Variants in GPR39 observed in about 807,000 individuals in gnomAD.
GPR39 encodes the protein zinc sensing receptor.
Under a neutral mutation model 18.4 loss-of-function variants are expected in GPR39, and 23 were observed. The observed-to-expected ratio is 1.25, with a 90% CI of 0.90 to 1.77. The LOEUF (loss-of-function observed/expected upper bound fraction) is 1.77. Among genes scored for constraint, GPR39 ranks in the 40% most tolerant of loss-of-function variants. GPR39 has a pLI of 0.00. For synonymous variants in GPR39, 280 were observed against 257.9 expected (o/e 1.09, Z -0.82); for missense variants, 647 against 602.4 (o/e 1.07, Z -0.78).
intron 1 of GPR39, among the ~76,000 whole-genome samples, chr2:132,424,164 C>T (rs564441467): frequency 7.2e-5 from 11 of 152,090 alleles, no homozygotes; most frequent in African/African-American, 1.7e-4. Flanking sequence ...CAGAAGTAAC[C>T]GTGAGATGAA....
At chr2:132,471,669 T>TC (rs371886015) in intron 1 of GPR39, among the ~76,000 whole-genome samples, 2,856 of 150,132 alleles carry the variant, frequency 0.019, 102 homozygotes, top group African/African-American at 0.068. Flanking sequence ...TTTTTTTTTT[T>TC]CTTCCCCATA....
At chr2:132,591,903 A>G (rs1178137431) in intron 1 of GPR39, among the ~76,000 whole-genome samples, 5 of 152,214 alleles carry the variant, frequency 3.3e-5, no homozygotes, top group African/African-American at 1.2e-4. Flanking sequence ...GCTGTGTTGT[A>G]TGGTACATAT....
At position 132,572,547 on chromosome 2, in the gene GPR39, A is replaced by AC. The variant is rs1386998003; in HGVS notation, c.857-72554_857-72553insC. 2.0e-5 allele frequency among the ~76,000 whole-genome samples: 3 copies of AC among 151,914 alleles called. No homozygotes were observed. In the East Asian group the frequency reaches 5.8e-4, roughly 29 times the overall value. ...AGGGTTAGAAGAGATTAAAAAAAAA[A>AC]AAAAAACCTCATTCTAAACTAGATC... On this transcript the variant is annotated intron_variant, in intron 1 of 1. Coordinates refer to ENST00000329321, the MANE Select transcript of GPR39 (RefSeq NM_001508.3).
rs577255066 is a variant in GPR39 at position 132,619,854 on chromosome 2, C to T, written c.857-25247C>T. Among the ~76,000 whole-genome samples the T allele has an allele frequency of 2.3e-3, 221 of 98,010 alleles. 2 individuals carry two copies. Among genetic ancestry groups the T allele is most frequent in the African/African-American group, 0.011 (201 of 19,114 alleles). 64.3% of individuals were successfully genotyped at this position (98,010 alleles called of 152,430 possible). A position where few individuals can be genotyped will look rare whatever the true frequency, so the allele number is the denominator to read the frequency against. On this transcript the variant is annotated intron_variant, in intron 1 of 1. Transcript: ENST00000329321. Reference sequence around the variant, plus strand: ...AGACACACACACACACACACACACACACAGACACACACACACTCTCCACAC... The same window carrying T: ...AGACACACACACACACACACACACATACAGACACACACACACTCTCCACAC...
At chr2:132,516,261 T>A (rs1679331200) in intron 1 of GPR39, among the ~76,000 whole-genome samples, 1 of 152,170 alleles carries the variant, frequency 6.6e-6, no homozygotes, top group Non-Finnish European at 1.5e-5. Context: ...GGTGGCATGT[T>A]CTCTGGCTAA....
At chr2:132,568,347 CTG>C (rs1225821673) in intron 1 of GPR39, among the ~76,000 whole-genome samples, 2 of 151,936 alleles carry the variant, frequency 1.3e-5, no homozygotes, top group Admixed American at 6.6e-5. Context: ...TATCTTTTGA[CTG>C]TGAGTGGATA....
intron 1 of GPR39, among the ~76,000 whole-genome samples, chr2:132,454,622 C>G (rs184009609): frequency 3.3e-5 from 5 of 152,230 alleles, no homozygotes; most frequent in Admixed American, 3.3e-4. Flanking sequence ...GTGGGTTTGT[C>G]ATAAATAGCT....
At chr2:132,571,217 G>A (rs139511652) in intron 1 of GPR39, among the ~76,000 whole-genome samples, 1 of 152,272 alleles carries the variant, frequency 6.6e-6, no homozygotes, top group East Asian at 1.9e-4. Flanking sequence ...TTCTAGAATC[G>A]ACATCTTACA....
At chr2:132,598,998 G>T (rs1410677471) in intron 1 of GPR39, among the ~76,000 whole-genome samples, 1 of 152,148 alleles carries the variant, frequency 6.6e-6, no homozygotes, top group African/African-American at 2.4e-5. Context: ...AAACCATCAA[G>T]GTTAGTTGAC....
rs374738558 is a variant in GPR39, at chr2:132,568,009, G to T, written c.857-77092G>T. Among the ~76,000 whole-genome samples, 95 of 152,160 alleles carry T rather than the reference G, an allele frequency of 6.2e-4. 2 individuals carry two copies. Among genetic ancestry groups the T allele is most frequent in the African/African-American group, 2.2e-3 (92 of 41,426 alleles). ...AAGAGACTTCTTCCTTTTGTAAATT[G>T]CCCAGTCTCAGATTTGTCTTTATCT... On this transcript the variant is annotated intron_variant, in intron 1 of 1. Coordinates refer to ENST00000329321, the MANE Select transcript of GPR39 (RefSeq NM_001508.3).
At chr2:132,458,458 T>TGTGTG (rs1680774114) in intron 1 of GPR39, among the ~76,000 whole-genome samples, 13 of 132,208 alleles carry the variant, frequency 9.8e-5, no homozygotes, top group African/African-American at 2.9e-4. Flanking sequence ...CTCGGTGTGT[T>TGTGTG]TGTGTGTGTG....
intron 1 of GPR39, among the ~76,000 whole-genome samples, chr2:132,635,046 G>A (rs1198415894): frequency 6.6e-6 from 1 of 152,170 alleles, no homozygotes; most frequent in Non-Finnish European, 1.5e-5. Flanking sequence ...GGCTGAGGGT[G>A]CTGGTCTTGT....
rs554162840 is a variant in GPR39, at chr2:132,420,455, A to AT, written c.856+2562dup. On this transcript the variant is annotated intron_variant, in intron 1 of 1. Coordinates refer to ENST00000329321, the MANE Select transcript of GPR39 (RefSeq NM_001508.3). ...TTTCATAAAACTTGTGCTTTGGGGC[A>AT]TTTTTAACCCAGAACAAATGAACAT... 1.3e-3 allele frequency among the ~76,000 whole-genome samples: 192 copies of AT among 152,344 alleles called. 2 individuals carry two copies. The highest frequency in any genetic ancestry group is 5.8e-4 in the East Asian group (3 of 5,188).
intron 1 of GPR39, among the ~76,000 whole-genome samples, chr2:132,532,842 A>G (rs1310937504): frequency 6.6e-6 from 1 of 152,226 alleles, no homozygotes. Context: ...GATGGGACAC[A>G]TCTCAAAATA....
chr2:132,646,093 G>A lies in GPR39; in HGVS notation c.*487G>A. ...CTAATTTGAGGAACAGGATGGTGGTGCGGAGCCCTGGCCTGAGGGCCGAGG... is the reference window on the plus strand; with the variant it reads ...CTAATTTGAGGAACAGGATGGTGGTACGGAGCCCTGGCCTGAGGGCCGAGG... On this transcript the variant is annotated 3_prime_UTR_variant, in exon 2 of 2. Transcript: ENST00000329321. 1 of 1,605,426 alleles carries A rather than the reference G, an allele frequency of 6.2e-7. No individual in the cohort carries two copies. The highest frequency in any genetic ancestry group is 1.1e-5 in the South Asian group (1 of 89,668).
intron 1 of GPR39, among the ~76,000 whole-genome samples, chr2:132,629,770 T>C (rs1681615866): frequency 6.6e-6 from 1 of 152,224 alleles, no homozygotes; most frequent in Non-Finnish European, 1.5e-5. Context: ...GGCCCTAGGC[T>C]TGCTTCCCTC....
intron 1 of GPR39, among the ~76,000 whole-genome samples, chr2:132,574,436 T>G (rs899503717): frequency 1.3e-5 from 2 of 152,184 alleles, no homozygotes; most frequent in African/African-American, 2.4e-5. Flanking sequence ...CTTTATATGT[T>G]AAGTATATTA....
At chr2:132,443,957 C>G (rs1680483341) in intron 1 of GPR39, among the ~76,000 whole-genome samples, 1 of 152,052 alleles carries the variant, frequency 6.6e-6, no homozygotes, top group African/African-American at 2.4e-5. Flanking sequence ...CACCTGTAGT[C>G]CTAGCTACTT....
chr2:132,494,581 A>G (rs185573197), intron 1 of GPR39, among the ~76,000 whole-genome samples: 179 of 152,218 alleles, frequency 1.2e-3, no homozygotes, highest in African/African-American at 4.1e-3. Context: ...TTTTCATCAC[A>G]CGGACACTAT....
Sources: gnomAD v4.1 joint callset for allele counts (sites outside exome capture counted in the v4.1 genomes callset) on GRCh38, gnomAD v4.1.1 for gene constraint, MANE v1.5 for transcripts, NCBI Gene and HGNC (gene_info 2026-07-23, HGNC 2026-07-21) for gene names.